The following GABRB2 variants were observed in gnomAD, a reference collection of about 807,000 sequenced individuals.
The protein encoded by GABRB2 is gamma-aminobutyric acid receptor subunit beta-2.
In GABRB2, 16 loss-of-function variants were observed where a neutral mutation model predicts 54.7. The observed-to-expected ratio is 0.29, with a 90% CI of 0.20 to 0.44. The LOEUF (loss-of-function observed/expected upper bound fraction) is 0.44. Among genes scored for constraint, GABRB2 ranks in the 20% least tolerant of loss-of-function variants. The probability of loss-of-function intolerance (pLI) is 1.00; values close to 1 mark genes in which losing one functional copy is unlikely to be tolerated. For synonymous variants in GABRB2, 244 were observed against 233.8 expected, an observed-to-expected ratio of 1.04 and a Z score of -0.40; for missense variants, 355 against 644.0, an observed-to-expected ratio of 0.55 and a Z score of 4.86.
intron 3 of GABRB2, among the ~76,000 whole-genome samples, chr5:161,479,846 C>T (rs530283227): frequency 7.2e-5 from 11 of 152,020 alleles, no homozygotes; most frequent in Non-Finnish European, 1.6e-4. Context: ...CCTCAGCCTC[C>T]TAAAGTACTG....
intron 4 of GABRB2, among the ~76,000 whole-genome samples, chr5:161,420,481 G>A (rs1756817986): frequency 6.6e-6 from 1 of 152,220 alleles, no homozygotes; most frequent in South Asian, 2.1e-4. Context: ...GGCTCCCTGG[G>A]CTTCAGGGCA....
At chr5:161,357,361 T>G (rs1458857122) in intron 5 of GABRB2, among the ~76,000 whole-genome samples, 1 of 151,966 alleles carries the variant, frequency 6.6e-6, no homozygotes, top group Admixed American at 6.6e-5. Context: ...GGAGAGGCAA[T>G]GAGAAATCCA....
At chr5:161,447,756 C>G (rs1757677432) in intron 4 of GABRB2, among the ~76,000 whole-genome samples, 1 of 152,114 alleles carries the variant, frequency 6.6e-6, no homozygotes, top group Non-Finnish European at 1.5e-5. Context: ...AAACTTTTAC[C>G]AAAAGTCTTT....
intron 3 of GABRB2, among the ~76,000 whole-genome samples, chr5:161,484,493 G>A (rs572652059): frequency 3.8e-4 from 57 of 151,972 alleles, no homozygotes; most frequent in Non-Finnish European, 7.5e-4. Context: ...AGACCGGCTG[G>A]GGAGAAAGGC....
At chr5:161,439,622 GATATAA>G (rs1209890697) in intron 4 of GABRB2, among the ~76,000 whole-genome samples, 2 of 152,252 alleles carry the variant, frequency 1.3e-5, no homozygotes, top group East Asian at 1.9e-4. Context: ...AGTACAATAA[GATATAA>G]ATAGAAAAAA....
At chr5:161,460,989 G>A (rs1242199021) in intron 3 of GABRB2, among the ~76,000 whole-genome samples, 3 of 152,090 alleles carry the variant, frequency 2.0e-5, no homozygotes, top group Non-Finnish European at 4.4e-5. Flanking sequence ...AAATAGACAG[G>A]CTTGACATGT....
chr5:161,308,068 G>A (rs1201429291), intron 9 of GABRB2, among the ~76,000 whole-genome samples: 1 of 151,744 alleles, frequency 6.6e-6, no homozygotes, highest in East Asian at 1.9e-4. Context: ...TCACCATGTT[G>A]GCCAGGATGG....
Position 161,294,052 on chromosome 5 carries a change from A to G in GABRB2, c.*29T>C, listed in dbSNP as rs1174704391. On this transcript the variant is annotated 3_prime_UTR_variant, in exon 10 of 10. Coordinates refer to ENST00000393959, the MANE Select transcript of GABRB2 (RefSeq NM_001371727.1). ...GTACAACTGGTTTGAGGAGGAATCT[A>G]GTCCTTGCTTCCAGTGGGAGGCCAT... 1 of 1,537,312 alleles carries G rather than the reference A, an allele frequency of 6.5e-7. No individual in the cohort carries two copies. The highest frequency in any genetic ancestry group is 1.2e-5 in the South Asian group (1 of 86,720).
chr5:161,296,731 G>A (rs1757390751), intron 9 of GABRB2, among the ~76,000 whole-genome samples: 1 of 152,210 alleles, frequency 6.6e-6, no homozygotes, highest in Non-Finnish European at 1.5e-5. Context: ...GTACAGCGGT[G>A]AGAAAGACGG....
At chr5:161,469,513 AAAAACC>A (rs1350388121) in intron 3 of GABRB2, among the ~76,000 whole-genome samples, 1 of 151,238 alleles carries the variant, frequency 6.6e-6, no homozygotes, top group Non-Finnish European at 1.5e-5. Flanking sequence ...AAAAACCAAA[AAAAACC>A]AAAAAACAAA....
chr5:161,528,221 A>G (rs946261613), intron 3 of GABRB2, among the ~76,000 whole-genome samples: 1 of 151,808 alleles, frequency 6.6e-6, no homozygotes, highest in African/African-American at 2.4e-5. Context: ...TTTCATGTGC[A>G]TTCATGTGAA....
At chr5:161,522,487 C>T (rs1012383326) in intron 3 of GABRB2, among the ~76,000 whole-genome samples, 7 of 151,740 alleles carry the variant, frequency 4.6e-5, no homozygotes, top group African/African-American at 1.7e-4. Flanking sequence ...AACAACACAA[C>T]CACTGCTTGT....
chr5:161,546,854 A>G (rs568616002), upstream of GABRB2: 13 of 1,003,332 alleles, frequency 1.3e-5, no homozygotes, highest in Non-Finnish European at 1.7e-5. Context: ...GTATATGTAT[A>G]ATACATACAT....
At chr5:161,335,557 C>T (rs1168281873) in intron 6 of GABRB2, among the ~76,000 whole-genome samples, 2 of 152,088 alleles carry the variant, frequency 1.3e-5, no homozygotes, top group Non-Finnish European at 2.9e-5. Flanking sequence ...GGCAATTACC[C>T]TTTAATAAAA....
At chr5:161,460,665 TTAAA>T (rs1032371676) in intron 3 of GABRB2, among the ~76,000 whole-genome samples, 1 of 152,160 alleles carries the variant, frequency 6.6e-6, no homozygotes, top group Non-Finnish European at 1.5e-5. Flanking sequence ...CATTCATTCA[TTAAA>T]TATATAATTT....
At chr5:161,383,219 T>C (rs1445895654) in intron 5 of GABRB2, among the ~76,000 whole-genome samples, 1 of 152,162 alleles carries the variant, frequency 6.6e-6, no homozygotes, top group African/African-American at 2.4e-5. Context: ...AACTTTTCCA[T>C]CTCATACCTG....
intron 9 of GABRB2, among the ~76,000 whole-genome samples, chr5:161,296,859 AC>A (rs1347159793): frequency 2.0e-5 from 3 of 152,200 alleles, no homozygotes; most frequent in Admixed American, 6.5e-5. Context: ...TGGAAAAATT[AC>A]CTAATCCTTT....
In GABRB2 at chr5:161,546,684, A is replaced by T. The variant is rs1007204526; in HGVS notation, c.-41T>A. ...TGGAATTGAGGGTTTCACTGAAGAG[A>T]GGAGATCCAACTTAGTCTGCCCAGT... On this transcript the variant is annotated 5_prime_UTR_variant, in exon 1 of 10. Transcript: ENST00000393959. 1 of 1,559,584 alleles carries T rather than the reference A, an allele frequency of 6.4e-7. No individual in the cohort carries two copies. The highest frequency in any genetic ancestry group is 1.9e-5 in the Admixed American group (1 of 51,618).
intron 4 of GABRB2, among the ~76,000 whole-genome samples, chr5:161,435,634 GA>G (rs1489592404): frequency 6.6e-6 from 1 of 152,130 alleles, no homozygotes; most frequent in Non-Finnish European, 1.5e-5. Context: ...AAGAGGGCGG[GA>G]AAGAGAAAAA....
Sources: gnomAD v4.1 joint callset for allele counts (sites outside exome capture counted in the v4.1 genomes callset) on GRCh38, gnomAD v4.1.1 for gene constraint, MANE v1.5 for transcripts, NCBI Gene and HGNC (gene_info 2026-07-23, HGNC 2026-07-21) for gene names.